The following GRIP1 variants were observed in gnomAD, a reference collection of about 807,000 sequenced individuals.
GRIP1 encodes glutamate receptor-interacting protein 1.
A neutral mutation model predicts 129.9 loss-of-function variants in GRIP1; 45 were observed. The ratio of observed to expected loss-of-function variants is 0.35; its 90% confidence interval spans 0.27 to 0.44. GRIP1 has a LOEUF of 0.44. Ranked by LOEUF, GRIP1 falls within the 20% of genes least tolerant of loss-of-function variation. The pLI, the probability that GRIP1 is intolerant of heterozygous loss-of-function variation, is 1.00. For synonymous variants in GRIP1, 530 were observed against 520.8 expected (o/e 1.02, Z -0.24); for missense variants, 1,196 against 1,396.8 (o/e 0.86, Z 2.29).
chr12:66,531,252 AATATATATATATATATATAT>A lies in GRIP1; in HGVS notation c.419-1358_419-1339del, dbSNP rs71069009. ...CTCTGTCTCAAAAAAAAAAAAAAAA[AATATATATATATATATATAT>A]ATATATATATATATATATATATATA... On this transcript the variant is annotated intron_variant, in intron 4 of 24. Transcript: ENST00000359742. Among the ~76,000 whole-genome samples the A allele has an allele frequency of 6.2e-4, 12 of 19,464 alleles. 1 individual carries two copies. The highest frequency in any genetic ancestry group is 1.8e-3 in the East Asian group (1 of 550). 12.8% of individuals were successfully genotyped at this position (19,464 alleles called of 152,430 possible). A position where few individuals can be genotyped will look rare whatever the true frequency, so the allele number is the denominator to read the frequency against.
intron 1 of GRIP1, among the ~76,000 whole-genome samples, chr12:66,622,625 T>C (rs1233764336): frequency 6.6e-6 from 1 of 152,104 alleles, no homozygotes; most frequent in African/African-American, 2.4e-5. Flanking sequence ...CTGAATACTG[T>C]TTCCAATTGA....
chr12:66,353,559 G>C lies in GRIP1; in HGVS notation c.3017C>G (p.Thr1006Ser). ...CTCCATGTCAGAGTCCTTGTACAAG[G>C]TCACCTGAAGAGAGAAAATGGGATG... ...SPTPVELHKVTLYKDSDMEDF... is the reference protein window; with the variant it reads ...SPTPVELHKVSLYKDSDMEDF... Residue 1006 changes from threonine (T) to serine (S), a missense_variant, in exon 24 of 25, where the codon ACC becomes AGC. Around this residue, in one of 5 missense-constraint regions of GRIP1, gnomAD observed 427 missense variants for 463.3 expected, o/e 0.92. Coordinates refer to ENST00000359742, the MANE Select transcript of GRIP1 (RefSeq NM_001366722.1). 1 of 1,613,874 alleles carries C rather than the reference G, an allele frequency of 6.2e-7. No homozygotes were observed. Among genetic ancestry groups the C allele is most frequent in the Non-Finnish European group, 8.5e-7 (1 of 1,179,780 alleles).
chr12:66,691,878 C>G (rs778487749), intron 1 of GRIP1, among the ~76,000 whole-genome samples: 1 of 152,092 alleles, frequency 6.6e-6, no homozygotes, highest in South Asian at 2.1e-4. Context: ...ATGCACCAAC[C>G]GCTAAGACCC....
chr12:66,474,145 G>C (rs2059530649), intron 7 of GRIP1, among the ~76,000 whole-genome samples: 1 of 152,002 alleles, frequency 6.6e-6, no homozygotes. Flanking sequence ...TAAATGACCT[G>C]TTGCAGCTGA....
chr12:66,735,180 G>A (rs369233651), intron 1 of GRIP1, among the ~76,000 whole-genome samples: 2 of 152,086 alleles, frequency 1.3e-5, no homozygotes, highest in East Asian at 3.8e-4. Flanking sequence ...TTATAGGAGC[G>A]TGATTGTTCT....
At chr12:66,918,934 C>T (rs1040331112) in intron 1 of GRIP1, among the ~76,000 whole-genome samples, 1 of 152,012 alleles carries the variant, frequency 6.6e-6, no homozygotes, top group African/African-American at 2.4e-5. Context: ...CTTGAAATAA[C>T]CTTAAAATGA....
intron 1 of GRIP1, among the ~76,000 whole-genome samples, chr12:66,930,237 C>T (rs2041369509): frequency 7.1e-6 from 1 of 141,032 alleles, no homozygotes; most frequent in Admixed American, 7.0e-5. Flanking sequence ...GGTATATCTC[C>T]CGATGCTATC....
chr12:66,359,867 G>A (rs1490736218), intron 23 of GRIP1, among the ~76,000 whole-genome samples: 1 of 152,162 alleles, frequency 6.6e-6, no homozygotes, highest in African/African-American at 2.4e-5. Context: ...ATATACCCCT[G>A]TTTACCTGGA....
chr12:66,419,445 A>G (rs7397473), intron 15 of GRIP1, among the ~76,000 whole-genome samples: 76,747 of 152,012 alleles, frequency 0.5, 21,501 homozygotes, highest in Non-Finnish European at 0.63. Context: ...ATAACTAAAA[A>G]AGTATAATTG....
chr12:66,760,622 C>T (rs1381279259), intron 1 of GRIP1, among the ~76,000 whole-genome samples: 1 of 152,128 alleles, frequency 6.6e-6, no homozygotes, highest in African/African-American at 2.4e-5. Flanking sequence ...GGGTTCCTCC[C>T]ACAAAGTGTG....
intron 1 of GRIP1, among the ~76,000 whole-genome samples, chr12:66,621,807 C>A (rs1316089547): frequency 2.6e-5 from 4 of 152,096 alleles, no homozygotes; most frequent in African/African-American, 9.7e-5. Flanking sequence ...AAAGTGCTAT[C>A]TTACTATGGT....
At chr12:66,808,285 G>T (rs1385433419), upstream of GRIP1, among the ~76,000 whole-genome samples, 1 of 151,920 alleles carries the variant, frequency 6.6e-6, no homozygotes, top group Non-Finnish European at 1.5e-5. Context: ...TTGTGGTTTT[G>T]TTCTTGGTTT....
At position 66,924,803 on chromosome 12, in the gene GRIP1, T is replaced by TA. The variant is rs1229413468; in HGVS notation, c.58+144246dup. The stretch of plus-strand genomic sequence containing the variant: ...TAACACGGTGAAACCCCGTCTCTAT[T>TA]AAAAAAATACCAAAAAATTAGCCGG... On this transcript the variant is annotated intron_variant, in intron 1 of 1. Transcript: ENST00000643019. Among the ~76,000 whole-genome samples the TA allele has an allele frequency of 4.0e-5, 6 of 151,886 alleles. No homozygotes were observed. In the South Asian group the frequency reaches 1.0e-3, roughly 26 times the overall value.
chr12:67,022,154 A>C (rs2042877104), intron 1 of GRIP1, among the ~76,000 whole-genome samples: 1 of 152,134 alleles, frequency 6.6e-6, no homozygotes, highest in Admixed American at 6.6e-5. Flanking sequence ...CATATACTCT[A>C]TAGCTATCTG....
chr12:66,504,771 GATA>G (rs2060481910), intron 7 of GRIP1, among the ~76,000 whole-genome samples: 2 of 152,114 alleles, frequency 1.3e-5, no homozygotes, highest in African/African-American at 4.8e-5. Context: ...TCCAGAGAAA[GATA>G]ATAAAACATG....
chr12:66,978,285 T>C (rs1227089598), intron 1 of GRIP1, among the ~76,000 whole-genome samples: 1 of 152,170 alleles, frequency 6.6e-6, no homozygotes, highest in Admixed American at 6.5e-5. Context: ...ATTTTTTTTA[T>C]TATACTAAAA....
intron 1 of GRIP1, among the ~76,000 whole-genome samples, chr12:66,730,254 G>A (rs117318170): frequency 8.5e-5 from 13 of 152,166 alleles, no homozygotes; most frequent in South Asian, 2.1e-4. Context: ...ATTTCCTAGC[G>A]TCATAAACAG....
intron 1 of GRIP1, among the ~76,000 whole-genome samples, chr12:66,689,301 T>C (rs1049808774): frequency 6.6e-6 from 1 of 152,114 alleles, no homozygotes; most frequent in Non-Finnish European, 1.5e-5. Flanking sequence ...GAGGGGCACA[T>C]GGGAAAGCCA....
intron 1 of GRIP1, among the ~76,000 whole-genome samples, chr12:66,643,189 C>T (rs2032082627): frequency 6.6e-6 from 1 of 152,208 alleles, no homozygotes; most frequent in Non-Finnish European, 1.5e-5. Flanking sequence ...TTCTGGAAGA[C>T]AGTTTAACAA....
Sources: gnomAD v4.1 joint callset for allele counts (sites outside exome capture counted in the v4.1 genomes callset) on GRCh38, gnomAD v4.1.1 for gene constraint, gnomAD v4.1.1 regional missense constraint, MANE v1.5 for transcripts, NCBI Gene and HGNC (gene_info 2026-07-23, HGNC 2026-07-21) for gene names.